The following PPP3CA variants were observed in gnomAD, a reference collection of about 807,000 sequenced individuals.
PPP3CA encodes CAM-PRP catalytic subunit.
A neutral mutation model predicts 66.5 loss-of-function variants in PPP3CA; 14 were observed. That is an observed-to-expected ratio of 0.21 (90% CI 0.14 to 0.33). The LOEUF is 0.33. Ranked by LOEUF, PPP3CA falls within the 10% of genes least tolerant of loss-of-function variation. The pLI is 1.00. For missense variants in PPP3CA, 317 were observed against 639.5 expected (o/e 0.50, Z 5.44); for synonymous variants, 232 against 226.2 (o/e 1.03, Z -0.23).
intron 1 of PPP3CA, among the ~76,000 whole-genome samples, chr4:101,209,043 C>A (rs1021262005): frequency 1.3e-5 from 2 of 152,128 alleles, no homozygotes; most frequent in East Asian, 1.9e-4. Flanking sequence ...GAAACTTCTA[C>A]AATTGCTTTT....
At chr4:101,232,221 G>T (rs1247942706) in intron 1 of PPP3CA, among the ~76,000 whole-genome samples, 7 of 151,518 alleles carry the variant, frequency 4.6e-5, no homozygotes, top group African/African-American at 1.7e-4. Flanking sequence ...GAAAAAAATT[G>T]CTGTCAGTAT....
intron 1 of PPP3CA, among the ~76,000 whole-genome samples, chr4:101,200,884 G>A (rs1578548793): frequency 6.6e-6 from 1 of 152,092 alleles, no homozygotes; most frequent in Admixed American, 6.6e-5. Flanking sequence ...TCCTGATTTC[G>A]ATTCCAGCAC....
Position 101,252,248 on chromosome 4 carries a change from C to T in PPP3CA, c.59-56132G>A, listed in dbSNP as rs370888860. Among the ~76,000 whole-genome samples, 5 of 152,212 alleles carry T rather than the reference C, an allele frequency of 3.3e-5. No individual in the cohort carries two copies. In the South Asian group the frequency reaches 6.2e-4, roughly 19 times the overall value. On this transcript the variant is annotated intron_variant, in intron 1 of 13. Transcript: ENST00000394854. ...AAAATGTCATACTGTCCCCATATTA[C>T]CAGCACAATGACATTTTCCCATGTT...
rs960380428 is a variant in PPP3CA at position 101,162,196 on chromosome 4, C to T, written c.259+33720G>A. On this transcript the variant is annotated intron_variant, in intron 2 of 13. Transcript: ENST00000394854. ...GGGAGGTTGTGGTGAGCCAAGATGG[C>T]GCCACTGCACTCCAGCCTGGGAGAC... 2.6e-5 allele frequency among the ~76,000 whole-genome samples: 4 copies of T among 151,962 alleles called. 1 individual carries two copies. Among genetic ancestry groups the T allele is most frequent in the African/African-American group, 7.2e-5 (3 of 41,420 alleles).
intron 2 of PPP3CA, among the ~76,000 whole-genome samples, chr4:101,190,205 G>A (rs1161860123): frequency 6.6e-6 from 1 of 152,004 alleles, no homozygotes; most frequent in Non-Finnish European, 1.5e-5. Context: ...CGATAGTATT[G>A]ATTTTAATAT....
intron 2 of PPP3CA, among the ~76,000 whole-genome samples, chr4:101,194,327 C>A (rs190160140): frequency 3.5e-3 from 534 of 152,210 alleles, no homozygotes; most frequent in Middle Eastern, 0.02. Flanking sequence ...TCTTAACAGT[C>A]AAATTCAAAT....
intron 1 of PPP3CA, among the ~76,000 whole-genome samples, chr4:101,252,061 T>C (rs1450364490): frequency 6.6e-6 from 1 of 152,212 alleles, no homozygotes; most frequent in Non-Finnish European, 1.5e-5. Context: ...ACTAAAACTA[T>C]GATTTTAAGA....
chr4:101,296,113 G>A (rs1196023815), intron 1 of PPP3CA, among the ~76,000 whole-genome samples: 2 of 152,054 alleles, frequency 1.3e-5, no homozygotes, highest in Non-Finnish European at 2.9e-5. Context: ...TTATATATAT[G>A]CATTTTAAAC....
In PPP3CA at chr4:101,099,608, T is replaced by C. The variant is rs1470069801; in HGVS notation, c.496+3A>G. 1.3e-6 allele frequency: 2 copies of C among 1,530,246 alleles called. No homozygotes were observed. Among genetic ancestry groups the C allele is most frequent in the Non-Finnish European group, 1.8e-6 (2 of 1,117,600 alleles). 94.8% of individuals were successfully genotyped at this position (1,530,246 alleles called of 1,614,324 possible). On this transcript the variant is annotated splice_donor_region_variant and intron_variant, in intron 4 of 13. Coordinates refer to ENST00000394854, the MANE Select transcript of PPP3CA (RefSeq NM_000944.5). Reference sequence around the variant, plus strand: ...TAAAGGAAGGAGGTTGAAGTATACTTACATTCTTGTTTAAATGTGAAATAC... The same window carrying C: ...TAAAGGAAGGAGGTTGAAGTATACTCACATTCTTGTTTAAATGTGAAATAC...
At chr4:101,052,194 G>A (rs1304002413) in intron 10 of PPP3CA, among the ~76,000 whole-genome samples, 6 of 151,990 alleles carry the variant, frequency 3.9e-5, no homozygotes, top group African/African-American at 9.7e-5. Context: ...AAATTAAAAC[G>A]ATTTTAATAA....
chr4:101,321,916 C>T (rs1729052555), intron 1 of PPP3CA, among the ~76,000 whole-genome samples: 1 of 152,172 alleles, frequency 6.6e-6, no homozygotes, highest in Non-Finnish European at 1.5e-5. Flanking sequence ...AGGATGTCTT[C>T]ACTGCAAAGA....
chr4:101,082,783 C>T (rs1295596792), intron 7 of PPP3CA, among the ~76,000 whole-genome samples: 2 of 152,086 alleles, frequency 1.3e-5, no homozygotes, highest in African/African-American at 4.8e-5. Flanking sequence ...TTTAAAACAA[C>T]AGTAAAATGT....
At chr4:101,064,917 T>C (rs1371630609) in intron 8 of PPP3CA, among the ~76,000 whole-genome samples, 1 of 152,040 alleles carries the variant, frequency 6.6e-6, no homozygotes, top group East Asian at 1.9e-4. Context: ...ACTAAACTTG[T>C]ACTTGTGAAT....
intron 2 of PPP3CA, among the ~76,000 whole-genome samples, chr4:101,111,842 A>G (rs1721680866): frequency 1.3e-5 from 2 of 152,218 alleles, no homozygotes; most frequent in Non-Finnish European, 2.9e-5. Flanking sequence ...AATTTAACAG[A>G]TGCTGTATCA....
intron 11 of PPP3CA, among the ~76,000 whole-genome samples, chr4:101,036,560 T>C (rs1244257215): frequency 2.6e-5 from 4 of 152,264 alleles, no homozygotes; most frequent in African/African-American, 7.2e-5. Context: ...TACAGGCACC[T>C]GCCACCACGC....
intron 2 of PPP3CA, among the ~76,000 whole-genome samples, chr4:101,167,052 C>T (rs1723716072): frequency 6.6e-6 from 1 of 152,130 alleles, no homozygotes; most frequent in Non-Finnish European, 1.5e-5. Flanking sequence ...TGATTTGCCT[C>T]AAGTTAAACT....
At chr4:101,041,895 C>T (rs1054565850) in intron 10 of PPP3CA, among the ~76,000 whole-genome samples, 1 of 152,022 alleles carries the variant, frequency 6.6e-6, no homozygotes, top group African/African-American at 2.4e-5. Context: ...TGTTCCTAAT[C>T]CAAATGAACA....
intron 1 of PPP3CA, among the ~76,000 whole-genome samples, chr4:101,269,815 T>C (rs1441527966): frequency 3.3e-5 from 5 of 152,116 alleles, no homozygotes; most frequent in South Asian, 2.1e-4. Flanking sequence ...TGTCCAAATA[T>C]GGCAGTACTA....
chr4:101,178,207 G>T (rs1724124406), intron 2 of PPP3CA, among the ~76,000 whole-genome samples: 1 of 152,066 alleles, frequency 6.6e-6, no homozygotes, highest in Admixed American at 6.6e-5. Context: ...TTCTCACTAG[G>T]TGGCAAAGCA....
Sources: gnomAD v4.1 joint callset for allele counts (sites outside exome capture counted in the v4.1 genomes callset) on GRCh38, gnomAD v4.1.1 for gene constraint, MANE v1.5 for transcripts, NCBI Gene and HGNC (gene_info 2026-07-23, HGNC 2026-07-21) for gene names.